Variants in GAB2 observed in about 807,000 individuals in gnomAD.
GAB2 encodes GRB2-associated-binding protein 2.
A neutral mutation model predicts 65.5 loss-of-function variants in GAB2; 26 were observed. The observed-to-expected ratio is 0.40, with a 90% confidence interval of 0.29 to 0.55. The LOEUF (loss-of-function observed/expected upper bound fraction) is 0.55, where lower values mean the gene tolerates loss of function less well. Among genes scored for constraint, GAB2 ranks in the 20% least tolerant of loss-of-function variants. The pLI is 0.53. For synonymous variants in GAB2, 321 were observed against 329.6 expected (o/e 0.97, Z 0.28); for missense variants, 884 against 875.8 (o/e 1.01, Z -0.12).
At chr11:78,219,847 C>T (rs940791322) in intron 9 of GAB2, among the ~76,000 whole-genome samples, 4 of 152,198 alleles carry the variant, frequency 2.6e-5, no homozygotes, top group African/African-American at 9.7e-5. Context: ...TGCTGAGGCA[C>T]AGCTCTGCAC....
At chr11:78,385,957 G>A (rs111905760) in intron 1 of GAB2, among the ~76,000 whole-genome samples, 4,188 of 152,218 alleles carry the variant, frequency 0.028, 163 homozygotes, top group African/African-American at 0.089. Context: ...AAATGAAAGT[G>A]TAGCTATGAG....
intron 3 of GAB2, among the ~76,000 whole-genome samples, chr11:78,246,339 G>C (rs2134515079): frequency 6.6e-6 from 1 of 152,204 alleles, no homozygotes; most frequent in South Asian, 2.1e-4. Flanking sequence ...CCAACATCTG[G>C]GTTATTTTGA....
At chr11:78,308,801 AG>A (rs1855426564) in intron 1 of GAB2, among the ~76,000 whole-genome samples, 1 of 152,230 alleles carries the variant, frequency 6.6e-6, no homozygotes, top group Non-Finnish European at 1.5e-5. Context: ...AGAGACATTC[AG>A]GGATTTCTGG....
chr11:78,266,116 G>A (rs758575035), intron 2 of GAB2, among the ~76,000 whole-genome samples: 10 of 150,076 alleles, frequency 6.7e-5, no homozygotes, highest in East Asian at 5.9e-4. Flanking sequence ...TTGAGAGGCT[G>A]AGGTGAGAGG....
In GAB2 at chr11:78,249,542, C is replaced by A. The variant is rs1341902273; in HGVS notation, c.620+615G>T. ...CTGATGATGTTAGAAAAACAAAAGA[C>A]CATTATCCTAGAACAGGGAGTCCTT... is the stretch of plus-strand genomic sequence containing the variant. On this transcript the variant is annotated intron_variant, in intron 3 of 9. Coordinates refer to ENST00000361507, the MANE Select transcript of GAB2 (RefSeq NM_080491.3). 3.3e-5 allele frequency among the ~76,000 whole-genome samples: 5 copies of A among 152,136 alleles called. No homozygotes were observed. In the East Asian group the frequency reaches 9.6e-4, roughly 29 times the overall value.
chr11:78,350,034 G>C (rs1007688440), intron 1 of GAB2, among the ~76,000 whole-genome samples: 6 of 152,216 alleles, frequency 3.9e-5, no homozygotes, highest in Middle Eastern at 3.4e-3. Context: ...TTCTCTTTGA[G>C]TTGGCTGTCT....
intron 1 of GAB2, among the ~76,000 whole-genome samples, chr11:78,401,290 G>A (rs1856968362): frequency 6.6e-6 from 1 of 152,050 alleles, no homozygotes; most frequent in Non-Finnish European, 1.5e-5. Context: ...AACAATAGCT[G>A]CTCATTGTCC....
chr11:78,288,475 T>C (rs1866555358), intron 1 of GAB2, among the ~76,000 whole-genome samples: 1 of 149,284 alleles, frequency 6.7e-6, no homozygotes, highest in South Asian at 2.1e-4. Flanking sequence ...TCAGGACGAA[T>C]AAGTGAGTTC....
At chr11:78,403,533 T>C (rs1005411797) in intron 1 of GAB2, among the ~76,000 whole-genome samples, 2 of 152,206 alleles carry the variant, frequency 1.3e-5, no homozygotes, top group African/African-American at 4.8e-5. Context: ...TTGATATCCA[T>C]ATGCAGAAGA....
At position 78,220,344 on chromosome 11, in the gene GAB2, G is replaced by T. The variant is rs142455789; in HGVS notation, c.1862C>A (p.Pro621Gln). ...CTTGCGGTGGGGGCTTGGGGAGCTC[G>T]GCTGGAAGTCCAGGGCCAGATAATC... is the stretch of plus-strand genomic sequence containing the variant. The part of the protein sequence containing the change: ...SVDYLALDFQ[P>Q]SSPSPHRKPS... The change falls in exon 9 of 10, where the codon CCG becomes CAG. Residue 621 changes from proline to glutamine, a missense_variant. By Grantham distance (76) the Pro-to-Gln change is moderately conservative (BLOSUM62 -1). Coordinates refer to ENST00000361507, the MANE Select transcript of GAB2 (RefSeq NM_080491.3). 1.2e-6 allele frequency: 2 copies of T among 1,612,688 alleles called. No individual in the cohort carries two copies. Among genetic ancestry groups the T allele is most frequent in the African/African-American group, 2.7e-5 (2 of 74,862 alleles).
In GAB2 at chr11:78,217,337, G is replaced by A. The variant is rs974724538; in HGVS notation, c.*1935C>T. ...TTAACCCCAGAAACTGGAGACAGCA[G>A]CCATTAATAAATACTCCTTGAGTTG... On this transcript the variant is annotated 3_prime_UTR_variant, in exon 10 of 10. Coordinates refer to ENST00000361507, the MANE Select transcript of GAB2 (RefSeq NM_080491.3). 2.0e-5 allele frequency: 3 copies of A among 152,232 alleles called. No individual in the cohort carries two copies. Among genetic ancestry groups the A allele is most frequent in the African/African-American group, 7.2e-5 (3 of 41,440 alleles). The allele number at this position is 152,232 out of a possible 1,614,324, so 9.4% of individuals were successfully genotyped here.
chr11:78,225,156 A>C lies in GAB2; in HGVS notation c.1254T>G (p.Ser418Arg). The C allele has an allele frequency of 6.2e-7, 1 of 1,613,666 alleles. No homozygotes were observed. Among genetic ancestry groups the C allele is most frequent in the Non-Finnish European group, 8.5e-7 (1 of 1,179,656 alleles). The change falls in exon 5 of 10, where the codon AGT becomes AGG. Residue 418 changes from serine (S) to arginine (R), a missense_variant. Ser to Arg is a moderately radical substitution (Grantham distance 110, BLOSUM62 -1). Coordinates refer to ENST00000361507, the MANE Select transcript of GAB2 (RefSeq NM_080491.3). Reference protein sequence around the residue: ...TYEYPQRGGESAGRSAESMSD... With the variant: ...TYEYPQRGGERAGRSAESMSD... ...TCATGGATTCAGCAGACCGGCCTGC[A>C]CTCTCTCCACCACGCTGTGGGTACT...
intron 2 of GAB2, among the ~76,000 whole-genome samples, chr11:78,270,855 G>C (rs951929291): frequency 1.3e-5 from 2 of 152,220 alleles, no homozygotes; most frequent in African/African-American, 2.4e-5. Flanking sequence ...ACAACGCTGT[G>C]AGGAGCATCA....
intron 1 of GAB2, among the ~76,000 whole-genome samples, chr11:78,306,060 A>G (rs925693230): frequency 2.0e-5 from 3 of 152,208 alleles, no homozygotes; most frequent in Non-Finnish European, 2.9e-5. Context: ...TAAAACATCT[A>G]TACCCATTTA....
intron 1 of GAB2, among the ~76,000 whole-genome samples, chr11:78,310,146 G>A (rs1031630522): frequency 6.6e-6 from 1 of 152,094 alleles, no homozygotes; most frequent in Admixed American, 6.5e-5. Context: ...ACACGCCTCT[G>A]AGAAATGTGG....
intron 3 of GAB2, among the ~76,000 whole-genome samples, chr11:78,232,245 C>G (rs989454496): frequency 5.9e-5 from 9 of 152,230 alleles, no homozygotes; most frequent in Non-Finnish European, 8.8e-5. Flanking sequence ...TTTCTATAGA[C>G]TACTGCTGCA....
At chr11:78,236,152 T>C (rs980344213) in intron 3 of GAB2, among the ~76,000 whole-genome samples, 1 of 152,234 alleles carries the variant, frequency 6.6e-6, no homozygotes, top group East Asian at 1.9e-4. Context: ...TGAAGAGGTG[T>C]TGCATGTTTG....
chr11:78,309,465 T>A (rs1351815532), intron 1 of GAB2, among the ~76,000 whole-genome samples: 1 of 8,534 alleles, frequency 1.2e-4, no homozygotes, highest in Non-Finnish European at 4.9e-3. Flanking sequence ...GCCCCCTGCC[T>A]TTTTTTTTTT....
At chr11:78,264,019 T>C (rs552013592) in intron 2 of GAB2, among the ~76,000 whole-genome samples, 1 of 152,114 alleles carries the variant, frequency 6.6e-6, no homozygotes, top group East Asian at 1.9e-4. Flanking sequence ...CTAACATATC[T>C]CCACAAAATT....
Sources: allele counts gnomAD v4.1 joint callset (sites outside exome capture counted in the v4.1 genomes callset), GRCh38; gene constraint gnomAD v4.1.1; transcripts MANE v1.5; gene names NCBI Gene and HGNC (gene_info 2026-07-23, HGNC 2026-07-21).